CLIC6: variants seen among roughly 807,000 people sequenced by gnomAD.
CLIC6 encodes the protein CLIC family member 6.
A neutral mutation model predicts 49.2 loss-of-function variants in CLIC6; 39 were observed. The observed-to-expected ratio is 0.79, with a 90% CI of 0.61 to 1.04. CLIC6 has a LOEUF of 1.04. Among genes scored for constraint, CLIC6 ranks in the 50% least tolerant of loss-of-function variants. The pLI is 0.00. For synonymous variants in CLIC6, 446 were observed against 433.4 expected, an observed-to-expected ratio of 1.03 and a Z score of -0.36; for missense variants, 988 against 993.1, an observed-to-expected ratio of 0.99 and a Z score of 0.07.
chr21:34,711,214 A>G (rs549648313), intron 5 of CLIC6, among the ~76,000 whole-genome samples: 1 of 152,268 alleles, frequency 6.6e-6, no homozygotes, highest in Admixed American at 6.5e-5. Context: ...TGTTCTAATA[A>G]CACATTTAGT....
chr21:34,692,392 G>C (rs1309397983), intron 1 of CLIC6, among the ~76,000 whole-genome samples: 2 of 152,180 alleles, frequency 1.3e-5, no homozygotes, highest in African/African-American at 4.8e-5. Context: ...TTTCATGAAA[G>C]GCTGGTGGGG....
At chr21:34,705,165 G>A (rs1423944440) in intron 1 of CLIC6, among the ~76,000 whole-genome samples, 1 of 152,212 alleles carries the variant, frequency 6.6e-6, no homozygotes, top group Non-Finnish European at 1.5e-5. Context: ...AGCAAGTCGG[G>A]ACTGGCCAAA....
At position 34,714,884 on chromosome 21, in the gene CLIC6, T is replaced by C. The variant is rs1412992848; in HGVS notation, c.1900-1437T>C. 2.6e-5 allele frequency among the ~76,000 whole-genome samples: 4 copies of C among 152,116 alleles called. No homozygotes were observed. The South Asian group carries it at 8.3e-4, about 32-fold the overall frequency. ...CGTTCATAGGCATGGCCTTAAACAATGTACTCAGGAATGTTAAAATAAAAA... is the reference window on the plus strand; with the variant it reads ...CGTTCATAGGCATGGCCTTAAACAACGTACTCAGGAATGTTAAAATAAAAA... On this transcript the variant is annotated intron_variant, in intron 5 of 5. Coordinates refer to ENST00000349499, the MANE Select transcript of CLIC6 (RefSeq NM_053277.3).
intron 1 of CLIC6, among the ~76,000 whole-genome samples, chr21:34,682,975 C>G: frequency 6.6e-6 from 1 of 151,828 alleles, no homozygotes; most frequent in Admixed American, 6.6e-5. Flanking sequence ...ACACGCCCAG[C>G]TAATTTTTTG....
chr21:34,703,740 C>T (rs1011987473), intron 1 of CLIC6, among the ~76,000 whole-genome samples: 1 of 152,036 alleles, frequency 6.6e-6, no homozygotes, highest in African/African-American at 2.4e-5. Context: ...TGGTGGGGAG[C>T]CCTGAGACAG....
chr21:34,693,341 C>T (rs556790594), intron 1 of CLIC6, among the ~76,000 whole-genome samples: 6 of 152,164 alleles, frequency 3.9e-5, no homozygotes, highest in Non-Finnish European at 7.4e-5. Flanking sequence ...TAAAAACTAA[C>T]TTGTAGCATT....
chr21:34,671,774 A>G (rs943919950), intron 1 of CLIC6, among the ~76,000 whole-genome samples: 4 of 152,234 alleles, frequency 2.6e-5, no homozygotes, highest in South Asian at 2.1e-4. Context: ...ATGCAAGCAC[A>G]TTTTAATAAG....
chr21:34,697,574 C>T (rs1398520781), intron 1 of CLIC6, among the ~76,000 whole-genome samples: 2 of 152,204 alleles, frequency 1.3e-5, no homozygotes, highest in African/African-American at 2.4e-5. Context: ...GTGAGGAAAA[C>T]ATCAACAATG....
At chr21:34,679,885 T>C (rs923998851) in intron 1 of CLIC6, among the ~76,000 whole-genome samples, 3 of 152,242 alleles carry the variant, frequency 2.0e-5, no homozygotes, top group African/African-American at 7.2e-5. Flanking sequence ...AGCATCCCTC[T>C]TGGCTGCTTT....
chr21:34,707,872 C>T (rs1055883823), intron 2 of CLIC6, 72 bp from the exon 3 acceptor site: 21 of 1,545,544 alleles, frequency 1.4e-5, no homozygotes, highest in African/African-American at 4.1e-5. Flanking sequence ...CTGGTGAGGA[C>T]GCGGCTAAGC....
At chr21:34,671,121 T>TAAAAAAAAAAAAAAAAA (rs58413747) in intron 1 of CLIC6, among the ~76,000 whole-genome samples, 1 of 115,984 alleles carries the variant, frequency 8.6e-6, no homozygotes. Flanking sequence ...ACTAAAAAGT[T>TAAAAAAAAAAAAAAAAA]AAAAAAAAAA....
chr21:34,700,423 G>A (rs1349047751), intron 1 of CLIC6, among the ~76,000 whole-genome samples: 1 of 128,016 alleles, frequency 7.8e-6, no homozygotes, highest in Non-Finnish European at 1.6e-5. Context: ...CTCCAGCCTG[G>A]GCGACAGAGC....
chr21:34,708,025 G>C lies in CLIC6; in HGVS notation c.1566G>C (p.Val522=), dbSNP rs146144342. The C allele has an allele frequency of 2.2e-5, 35 of 1,614,158 alleles. No homozygotes were observed. In the Admixed American group the frequency reaches 4.3e-4, roughly 20 times the overall value. The change falls in exon 3 of 6, where the codon GTG becomes GTC. Residue 522 remains valine (V), a synonymous_variant. Coordinates refer to ENST00000349499, the MANE Select transcript of CLIC6 (RefSeq NM_053277.3). The part of the protein sequence containing the change: ...MTFDGEVKTD[V]NKIEEFLEEK... ...TTGATGGTGAAGTCAAGACGGATGT[G>C]AATAAGATCGAGGAGTTCTTAGAGG... is the stretch of plus-strand genomic sequence containing the variant.
Position 34,691,413 on chromosome 21 carries a change from A to G in CLIC6, c.1375-15867A>G, listed in dbSNP as rs774218204. Among the ~76,000 whole-genome samples the G allele has an allele frequency of 3.3e-5, 5 of 152,144 alleles. No individual in the cohort carries two copies. The South Asian group carries it at 1.0e-3, about 31-fold the overall frequency. On this transcript the variant is annotated intron_variant, in intron 1 of 5. Coordinates refer to ENST00000349499, the MANE Select transcript of CLIC6 (RefSeq NM_053277.3). ...CAAGTTTTCTGATTTAATACATAATATGATTTTTATGCACTCCTGGTTGAT... is the reference window on the plus strand; with the variant it reads ...CAAGTTTTCTGATTTAATACATAATGTGATTTTTATGCACTCCTGGTTGAT...
chr21:34,686,282 T>C (rs759612240), intron 1 of CLIC6, among the ~76,000 whole-genome samples: 1 of 152,100 alleles, frequency 6.6e-6, no homozygotes, highest in Non-Finnish European at 1.5e-5. Flanking sequence ...TCGCCTGTAG[T>C]CTCAGCTACT....
chr21:34,686,454 G>A (rs1280858113), intron 1 of CLIC6, among the ~76,000 whole-genome samples: 1 of 152,144 alleles, frequency 6.6e-6, no homozygotes, highest in African/African-American at 2.4e-5. Context: ...GAGCATTTTG[G>A]CACAGCCTGG....
intron 1 of CLIC6, among the ~76,000 whole-genome samples, chr21:34,706,802 T>G (rs1231962361): frequency 6.6e-6 from 1 of 152,210 alleles, no homozygotes; most frequent in Admixed American, 6.5e-5. Flanking sequence ...AATACTACAC[T>G]GACACAAGTA....
intron 1 of CLIC6, among the ~76,000 whole-genome samples, chr21:34,680,119 C>T (rs1265318873): frequency 6.6e-6 from 1 of 152,276 alleles, no homozygotes; most frequent in East Asian, 1.9e-4. Context: ...AAACTTCTTC[C>T]TGGACATCTT....
rs183762265 is a variant in CLIC6, at chr21:34,710,815, A to G, written c.1899+1277A>G. ...GTGACAGAGCAAGACTCCGTCTCAGAAAAAAAACAAAAAACAAACAAACAA... is the reference window on the plus strand; with the variant it reads ...GTGACAGAGCAAGACTCCGTCTCAGGAAAAAAACAAAAAACAAACAAACAA... On this transcript the variant is annotated intron_variant, in intron 5 of 5. Coordinates refer to ENST00000349499, the MANE Select transcript of CLIC6 (RefSeq NM_053277.3). 1.5e-3 allele frequency among the ~76,000 whole-genome samples: 234 copies of G among 151,852 alleles called. 1 individual carries two copies. The highest frequency in any genetic ancestry group is 5.4e-3 in the African/African-American group (225 of 41,354).
Sources: gnomAD v4.1 joint callset for allele counts (sites outside exome capture counted in the v4.1 genomes callset) on GRCh38, gnomAD v4.1.1 for gene constraint, MANE v1.5 for transcripts, NCBI Gene and HGNC (gene_info 2026-07-23, HGNC 2026-07-21) for gene names.